The following DPH6 variants were observed in gnomAD, a reference collection of about 807,000 sequenced individuals.
DPH6 encodes diphthine--ammonia ligase.
In DPH6, 33 loss-of-function variants were observed where a neutral mutation model predicts 38.2. The observed-to-expected ratio is 0.86, with a 90% CI of 0.65 to 1.15. The LOEUF is 1.15. Ranked by LOEUF, DPH6 falls within the 50% of genes most tolerant of loss-of-function variation. The pLI is 0.00. For synonymous variants in DPH6, 108 were observed against 103.0 expected (o/e 1.05, Z -0.30); for missense variants, 325 against 320.0 (o/e 1.02, Z -0.12).
At position 35,538,416 on chromosome 15, in the gene DPH6, G is replaced by A; in HGVS notation, c.170C>T (p.Ala57Val). ...CATTGCTTCTGCATACAAGTCAATG[G>A]CATGGTGCCCCACTGTCTGATACAT... ...SYMYQTVGHHAIDLYAEAMAL... is the reference protein window; with the variant it reads ...SYMYQTVGHHVIDLYAEAMAL... Residue 57 changes from alanine to valine, a missense_variant, in exon 3 of 9, where the codon GCC becomes GTC. By Grantham distance (64) the Ala-to-Val change is moderately conservative. Coordinates refer to ENST00000256538, the MANE Select transcript of DPH6 (RefSeq NM_080650.4). 1 of 1,604,766 alleles carries A rather than the reference G, an allele frequency of 6.2e-7. No individual in the cohort carries two copies. Among genetic ancestry groups the A allele is most frequent in the African/African-American group, 1.3e-5 (1 of 74,926 alleles).
intron 5 of DPH6, among the ~76,000 whole-genome samples, chr15:35,443,459 A>G (rs2053813722): frequency 6.6e-6 from 1 of 152,214 alleles, no homozygotes. Context: ...GGGGTCTGGA[A>G]AAATAAATCT....
chr15:35,165,849 A>G, the DPH6 span, among the ~76,000 whole-genome samples: 3 of 151,974 alleles, frequency 2.0e-5, no homozygotes, highest in Admixed American at 1.3e-4. Flanking sequence ...TAGAGTATAC[A>G]AGATTTAGAA....
chr15:35,377,644 T>C (rs542707347), intron 7 of DPH6, among the ~76,000 whole-genome samples: 9 of 152,262 alleles, frequency 5.9e-5, no homozygotes, highest in African/African-American at 2.2e-4. Flanking sequence ...AAAAAACTCA[T>C]TTTCTCATCT....
chr15:35,181,632 G>C, the DPH6 span, among the ~76,000 whole-genome samples: 1 of 152,034 alleles, frequency 6.6e-6, no homozygotes, highest in African/African-American at 2.4e-5. Flanking sequence ...ATAGAGCTTA[G>C]GTGTACTTAA....
chr15:35,425,938 G>C (rs984681630), intron 5 of DPH6, among the ~76,000 whole-genome samples: 1 of 150,862 alleles, frequency 6.6e-6, no homozygotes, highest in Non-Finnish European at 1.5e-5. Context: ...TGATATGCTA[G>C]CAATAAAATA....
At chr15:35,153,937 A>C in the DPH6 span, among the ~76,000 whole-genome samples, 1 of 152,172 alleles carries the variant, frequency 6.6e-6, no homozygotes, top group African/African-American at 2.4e-5. Flanking sequence ...AATTAGTAGA[A>C]AAATTGGGGA....
intron 5 of DPH6, among the ~76,000 whole-genome samples, chr15:35,420,410 C>CAAAGATAGCAGAATAAAGGACATAACA (rs1251737167): frequency 6.6e-6 from 1 of 151,780 alleles, no homozygotes; most frequent in Non-Finnish European, 1.5e-5. Flanking sequence ...AAGACAAGCC[C>CAAAGATAGCAGAATAAAGGACATAACA]AAAGATAGCA....
the DPH6 span, among the ~76,000 whole-genome samples, chr15:35,180,406 C>T: frequency 1.1e-5 from 1 of 92,888 alleles, no homozygotes; most frequent in Middle Eastern, 5.3e-3. Context: ...CACACACACA[C>T]ACACACACAC....
intron 3 of DPH6, among the ~76,000 whole-genome samples, chr15:35,240,909 T>C (rs375340478): frequency 0.037 from 5,265 of 141,580 alleles, 658 homozygotes; most frequent in African/African-American, 0.12. Flanking sequence ...TGTACAATAA[T>C]AGAAAAAAGT....
chr15:35,487,509 T>C (rs1380382827), intron 3 of DPH6, among the ~76,000 whole-genome samples: 3 of 152,252 alleles, frequency 2.0e-5, no homozygotes, highest in Admixed American at 2.0e-4. Flanking sequence ...TGGCCTGAGC[T>C]GTACCTTGGC....
chr15:35,481,727 A>T (rs1279987608), intron 3 of DPH6, among the ~76,000 whole-genome samples: 1 of 152,174 alleles, frequency 6.6e-6, no homozygotes, highest in Non-Finnish European at 1.5e-5. Context: ...ATGGATATAT[A>T]AATGAAACAA....
intron 3 of DPH6, among the ~76,000 whole-genome samples, chr15:35,285,760 C>T (rs963970983): frequency 6.6e-6 from 1 of 150,696 alleles, no homozygotes; most frequent in Non-Finnish European, 1.5e-5. Flanking sequence ...AGCTAACATT[C>T]TTGTTTACTT....
At chr15:35,368,883 A>AC (rs57794216), downstream of DPH6, among the ~76,000 whole-genome samples, 18 of 151,744 alleles carry the variant, frequency 1.2e-4, no homozygotes, top group African/African-American at 4.3e-4. Flanking sequence ...AGATGTTAGT[A>AC]AAAGACTAGA....
At chr15:35,283,117 TCTCC>T (rs1028815654) in intron 3 of DPH6, 1 of 156,494 alleles carries the variant, frequency 6.4e-6, no homozygotes, top group Non-Finnish European at 1.4e-5. Context: ...TTCTTCTTCT[TCTCC>T]TTCTCCTCTT....
At chr15:35,409,907 A>G (rs2053343129) in intron 6 of DPH6, among the ~76,000 whole-genome samples, 1 of 151,906 alleles carries the variant, frequency 6.6e-6, no homozygotes, top group Non-Finnish European at 1.5e-5. Context: ...CTTAATAATA[A>G]TTATTAAGGA....
rs543482135 is a variant in DPH6, at chr15:35,531,741, T to C, written c.312+6533A>G. The stretch of plus-strand genomic sequence containing the variant: ...GCCTCGGCCTCCTAAAGTGCTGATA[T>C]TACAAGGCAGGAGCCACTGTGCCCA... On this transcript the variant is annotated intron_variant, in intron 3 of 8. Transcript: ENST00000256538. 2.6e-5 allele frequency among the ~76,000 whole-genome samples: 4 copies of C among 152,326 alleles called. No homozygotes were observed. The South Asian group carries it at 6.2e-4, about 24-fold the overall frequency.
intron 3 of DPH6, among the ~76,000 whole-genome samples, chr15:35,531,034 G>A (rs1441905892): frequency 3.3e-5 from 5 of 152,160 alleles, no homozygotes; most frequent in Non-Finnish European, 7.3e-5. Context: ...AATTTGTACA[G>A]GGCTGTGTGC....
At chr15:35,247,802 T>G (rs925776518) in intron 3 of DPH6, among the ~76,000 whole-genome samples, 1 of 152,212 alleles carries the variant, frequency 6.6e-6, no homozygotes, top group African/African-American at 2.4e-5. Context: ...GATAATAAAT[T>G]AAAAACTATG....
chr15:35,173,118 C>CAG, the DPH6 span, among the ~76,000 whole-genome samples: 3 of 152,136 alleles, frequency 2.0e-5, no homozygotes, highest in Admixed American at 6.5e-5. Context: ...AAATCTGTCC[C>CAG]AGATTTCTGG....
Sources: allele counts gnomAD v4.1 joint callset (sites outside exome capture counted in the v4.1 genomes callset), GRCh38; gene constraint gnomAD v4.1.1; transcripts MANE v1.5; gene names NCBI Gene and HGNC (gene_info 2026-07-23, HGNC 2026-07-21).